The following PTPRM variants were observed in gnomAD, a reference collection of about 807,000 sequenced individuals.
PTPRM encodes protein tyrosine phosphatase receptor type M.
PTPRM carries 47 observed loss-of-function variants against 186.7 expected under a neutral mutation model. That is an observed-to-expected ratio of 0.25 (90% CI 0.20 to 0.32). The LOEUF (loss-of-function observed/expected upper bound fraction) is 0.32, where lower values mean the gene tolerates loss of function less well. Ranked by LOEUF, PTPRM falls within the 10% of genes least tolerant of loss-of-function variation. The probability of loss-of-function intolerance (pLI) is 1.00; values close to 1 mark genes in which losing one functional copy is unlikely to be tolerated. For missense variants in PTPRM, 1,494 were observed against 1,865.0 expected (o/e 0.80, Z 3.66); for synonymous variants, 668 against 674.9 (o/e 0.99, Z 0.16).
chr18:8,055,675 A>AT (rs1274575210), intron 7 of PTPRM, among the ~76,000 whole-genome samples: 1 of 151,962 alleles, frequency 6.6e-6, no homozygotes, highest in African/African-American at 2.4e-5. Flanking sequence ...GTTTTCTGTT[A>AT]TTTTTGTTAA....
intron 14 of PTPRM, among the ~76,000 whole-genome samples, chr18:8,208,043 G>A (rs538224273): frequency 2.0e-5 from 3 of 152,288 alleles, no homozygotes; most frequent in East Asian, 3.9e-4. Context: ...AGGGACTACC[G>A]AGGTCAGAGG....
At chr18:8,098,845 C>T (rs1439169998) in intron 11 of PTPRM, among the ~76,000 whole-genome samples, 1 of 152,020 alleles carries the variant, frequency 6.6e-6, no homozygotes, top group Non-Finnish European at 1.5e-5. Flanking sequence ...GTCTCCAATC[C>T]CCATTCACCC....
chr18:7,658,329 T>TA (rs1491405900), intron 1 of PTPRM, among the ~76,000 whole-genome samples: 10 of 101,736 alleles, frequency 9.8e-5, no homozygotes, highest in African/African-American at 2.6e-4. Context: ...TTAAAGTAAA[T>TA]TTATATATAT....
chr18:8,300,361 T>C (rs752576165), intron 20 of PTPRM, among the ~76,000 whole-genome samples: 3 of 152,130 alleles, frequency 2.0e-5, no homozygotes, highest in Non-Finnish European at 4.4e-5. Flanking sequence ...AATGTCAGAA[T>C]TTCCTGACAA....
intron 13 of PTPRM, among the ~76,000 whole-genome samples, chr18:8,142,865 G>A (rs12955074): frequency 0.12 from 18,465 of 152,142 alleles, 1,234 homozygotes; most frequent in Non-Finnish European, 0.15. Flanking sequence ...CAGAGGAAAC[G>A]TATATTTCAT....
intron 20 of PTPRM, among the ~76,000 whole-genome samples, chr18:8,303,738 C>T (rs1196175225): frequency 1.3e-5 from 2 of 152,136 alleles, no homozygotes; most frequent in East Asian, 3.9e-4. Context: ...GAGGAAAATT[C>T]ATATGGAGCC....
At chr18:7,869,915 G>A (rs924251716) in intron 2 of PTPRM, among the ~76,000 whole-genome samples, 1 of 152,170 alleles carries the variant, frequency 6.6e-6, no homozygotes. Context: ...AAGGCTAAGA[G>A]CCCCAGTGTC....
intron 1 of PTPRM, among the ~76,000 whole-genome samples, chr18:7,699,044 T>G (rs2039903021): frequency 6.6e-6 from 1 of 152,218 alleles, no homozygotes; most frequent in Non-Finnish European, 1.5e-5. Flanking sequence ...GGAGCATTAC[T>G]GTCTGAGCTC....
chr18:8,147,076 G>A (rs1206818210), intron 14 of PTPRM, among the ~76,000 whole-genome samples: 1 of 152,288 alleles, frequency 6.6e-6, no homozygotes, highest in Non-Finnish European at 1.5e-5. Context: ...TTTGAAGTCA[G>A]GTAGCATGAT....
chr18:7,934,277 G>A (rs1025235954), intron 5 of PTPRM, among the ~76,000 whole-genome samples: 8 of 152,034 alleles, frequency 5.3e-5, no homozygotes, highest in Non-Finnish European at 8.8e-5. Flanking sequence ...CTTACTTAGA[G>A]TTAACAGTTT....
intron 14 of PTPRM, among the ~76,000 whole-genome samples, chr18:8,208,519 AT>A (rs112787043): frequency 8.0e-5 from 12 of 149,266 alleles, no homozygotes; most frequent in South Asian, 6.4e-4. Context: ...GGCAAGGCCT[AT>A]TTTTTTTTTT....
At chr18:8,095,853 G>T (rs998517771) in intron 11 of PTPRM, among the ~76,000 whole-genome samples, 3 of 152,052 alleles carry the variant, frequency 2.0e-5, no homozygotes, top group Non-Finnish European at 2.9e-5. Flanking sequence ...ATACTAGAAC[G>T]CTTGAAATTG....
At chr18:7,715,403 C>A (rs1037485896) in intron 1 of PTPRM, among the ~76,000 whole-genome samples, 2 of 152,152 alleles carry the variant, frequency 1.3e-5, no homozygotes, top group South Asian at 2.1e-4. Context: ...CAATATCATA[C>A]TGAATGGGCA....
At chr18:8,319,115 T>A in intron 21 of PTPRM, 63 bp from the exon 22 acceptor site, 1 of 1,148,734 alleles carries the variant, frequency 8.7e-7, no homozygotes, top group South Asian at 1.3e-5. Flanking sequence ...AAAGTTAGCA[T>A]GCGACTTATC....
At chr18:7,829,134 C>G (rs1451943818) in intron 2 of PTPRM, among the ~76,000 whole-genome samples, 1 of 152,034 alleles carries the variant, frequency 6.6e-6, no homozygotes, top group Non-Finnish European at 1.5e-5. Flanking sequence ...ATGATGGAAA[C>G]CTGAATATAG....
chr18:7,941,643 GGA>G (rs2146962648), intron 5 of PTPRM, among the ~76,000 whole-genome samples: 1 of 152,328 alleles, frequency 6.6e-6, no homozygotes, highest in African/African-American at 2.4e-5. Context: ...AAACTTGTTG[GGA>G]GAAGTCAGGG....
intron 19 of PTPRM, among the ~76,000 whole-genome samples, chr18:8,276,424 A>G (rs1327877102): frequency 6.6e-6 from 1 of 152,166 alleles, no homozygotes; most frequent in Admixed American, 6.5e-5. Flanking sequence ...AAGTTTAACA[A>G]CTGATCATAA....
intron 5 of PTPRM, among the ~76,000 whole-genome samples, chr18:7,945,466 A>G (rs2052462136): frequency 1.0e-5 from 1 of 97,834 alleles, no homozygotes; most frequent in Non-Finnish European, 2.3e-5. Flanking sequence ...CTCCATCTCA[A>G]AAAAAAAAAG....
At chr18:8,052,816 G>A (rs911531304) in intron 7 of PTPRM, among the ~76,000 whole-genome samples, 9 of 152,248 alleles carry the variant, frequency 5.9e-5, no homozygotes, top group African/African-American at 2.2e-4. Flanking sequence ...ATAACACATT[G>A]CATTGATCTA....
Sources: gnomAD v4.1 joint callset for allele counts (sites outside exome capture counted in the v4.1 genomes callset) on GRCh38, gnomAD v4.1.1 for gene constraint, MANE v1.5 for transcripts, NCBI Gene and HGNC (gene_info 2026-07-23, HGNC 2026-07-21) for gene names.